OXNAD1: variants seen among roughly 807,000 people sequenced by gnomAD.
OXNAD1 encodes the protein oxidoreductase NAD binding domain containing 1, also known as oxidoreductase NAD-binding domain-containing protein 1.
In OXNAD1, 34 loss-of-function variants were observed where a neutral mutation model predicts 32.9. The ratio of observed to expected loss-of-function variants is 1.03; its 90% CI spans 0.79 to 1.38. The LOEUF (loss-of-function observed/expected upper bound fraction) is 1.38, where lower values mean the gene tolerates loss of function less well. Ranked by LOEUF, OXNAD1 falls within the 40% of genes most tolerant of loss-of-function variation. The pLI, the probability that OXNAD1 is intolerant of heterozygous loss-of-function variation, is 0.00. For missense variants in OXNAD1, 407 were observed against 379.4 expected (o/e 1.07, Z -0.60); for synonymous variants, 134 against 135.2 (o/e 0.99, Z 0.06).
rs77855707 is a variant in OXNAD1, at chr3:16,297,856, A to G, written c.432+2859A>G. Among the ~76,000 whole-genome samples, 40 of 152,322 alleles carry G rather than the reference A, an allele frequency of 2.6e-4. No individual in the cohort carries two copies. The East Asian group carries it at 7.3e-3, about 28-fold the overall frequency. The stretch of plus-strand genomic sequence containing the variant: ...AAGGTAGGATCGATAGCACAGGGGA[A>G]TATTTTCAGGGGGTGATGGAACTAA... On this transcript the variant is annotated intron_variant, in intron 6 of 8. Coordinates refer to ENST00000285083, the MANE Select transcript of OXNAD1 (RefSeq NM_138381.5). The surrounding 1 kb of genome is among the most constrained non-coding windows in gnomAD (Gnocchi z 4.3).
At position 16,321,587 on chromosome 3, in the gene OXNAD1, GC is replaced by G. The variant is rs1559804666; in HGVS notation, c.*31-15519del. Among the ~76,000 whole-genome samples the G allele has an allele frequency of 6.6e-6, 1 of 152,144 alleles. No individual in the cohort carries two copies. ...TTCTTCCAAGGAGTCTGGCTGTGAA[GC>G]CCCCCTCTCTGGAGGACTCCCATCT... On this transcript the variant is annotated intron_variant, in intron 9 of 9. Coordinates refer to the OXNAD1 transcript ENST00000435829. The surrounding 1 kb of genome is among the most constrained non-coding windows in gnomAD (Gnocchi z 4.8).
Position 16,271,052 on chromosome 3 carries a change from C to A in OXNAD1, c.100C>A (p.Arg34Ser), listed in dbSNP as rs780630420. 1.2e-6 allele frequency: 2 copies of A among 1,614,010 alleles called. No homozygotes were observed. The highest frequency in any genetic ancestry group is 1.7e-4 in the Middle Eastern group (1 of 6,058). The change falls in exon 3 of 9, where the codon CGC becomes AGC. Residue 34 changes from arginine to serine, a missense_variant. Physicochemically the swap from Arg to Ser is moderately radical, Grantham distance 110 (BLOSUM62 -1). Coordinates refer to ENST00000285083, the MANE Select transcript of OXNAD1 (RefSeq NM_138381.5). This position sits in a 1 kb window ranked among gnomAD's most constrained non-coding sequence, Gnocchi z 4.6. ...ACTGAGATTGACACTCAGCACTTTG[C>A]GCCACCTTACTCTAACCAGGTGAGT... ...ASLRLTLSTL[R>S]HLTLTSIMKS... is the part of the protein sequence containing the mutation.
rs1315201522 is a variant in OXNAD1, at chr3:16,301,683, C to T, written c.490C>T (p.Gln164Ter). Residue 164 changes from glutamine to a stop codon, truncating the protein, a stop_gained, in exon 7 of 9, where the codon CAG becomes TAG. Coordinates refer to ENST00000285083, the MANE Select transcript of OXNAD1 (RefSeq NM_138381.5). LOFTEE classifies it high-confidence loss of function. This position sits in a 1 kb window ranked among gnomAD's most constrained non-coding sequence, Gnocchi z 4.1. ...GGGTGGAGAGTTCTTCTTTGACCCTCAGCCTGCGGATGCCTCTAGAAACCT... is the reference window on the plus strand; with the variant it reads ...GGGTGGAGAGTTCTTCTTTGACCCTTAGCCTGCGGATGCCTCTAGAAACCT... The part of the protein sequence containing the change: ...RVGGEFFFDP[Q>*]PADASRNLVL... The T allele has an allele frequency of 6.2e-7, 1 of 1,613,958 alleles. No individual in the cohort carries two copies. Among genetic ancestry groups the T allele is most frequent in the Non-Finnish European group, 8.5e-7 (1 of 1,179,972 alleles).
chr3:16,338,593 C>T (rs1216804780), downstream of OXNAD1, among the ~76,000 whole-genome samples: 1 of 152,230 alleles, frequency 6.6e-6, no homozygotes. This position sits in a 1 kb window ranked among gnomAD's most constrained non-coding sequence, Gnocchi z 5.3. Flanking sequence ...GAAACATTTT[C>T]TCCATCCAGA....
chr3:16,275,549 GCAGAGCA>G (rs2065257587), intron 4 of OXNAD1: 1 of 152,844 alleles, frequency 6.5e-6, no homozygotes, highest in Non-Finnish European at 1.5e-5. Context: ...AGCCTGTGTG[GCAGAGCA>G]AGACCCTGTC....
intron 4 of OXNAD1, among the ~76,000 whole-genome samples, chr3:16,285,003 T>C (rs58171469): frequency 0.15 from 22,289 of 152,236 alleles, 1,772 homozygotes; most frequent in African/African-American, 0.2. Flanking sequence ...GCAGTGTTTC[T>C]GAGAGAGTAG....
rs750825237 is a variant in OXNAD1 at position 16,280,194 on chromosome 3, C to T, written c.184-6148C>T. 6.6e-6 allele frequency among the ~76,000 whole-genome samples: 1 copy of T among 151,968 alleles called. No homozygotes were observed. The highest frequency in any genetic ancestry group is 2.4e-5 in the African/African-American group (1 of 41,364). ...TTACATGTTACATGAGGTGGGAGAT[C>T]CTAGAGCTCGTGTGTTCTGATGGGG... On this transcript the variant is annotated intron_variant, in intron 4 of 8. Transcript: ENST00000285083. The surrounding 1 kb of genome is among the most constrained non-coding windows in gnomAD (Gnocchi z 4.5).
chr3:16,306,695 G>A (rs2067586812), downstream of OXNAD1, among the ~76,000 whole-genome samples: 1 of 152,122 alleles, frequency 6.6e-6, no homozygotes, highest in Non-Finnish European at 1.5e-5. Flanking sequence ...TATCCTCAGG[G>A]TGTTGCTTGA....
rs79887027 is a variant in OXNAD1 at position 16,321,453 on chromosome 3, T to C, written c.*31-15659T>C. 7.5e-3 allele frequency among the ~76,000 whole-genome samples: 1,146 copies of C among 152,130 alleles called. 47 individuals are homozygous for C. In the South Asian group the frequency reaches 0.11, roughly 15 times the overall value. ...CCGGGCTGCAAGAGCTCAGGCATGA[T>C]GAGGACTAGATGGAGTGACTCTCGG... is the stretch of plus-strand genomic sequence containing the variant. On this transcript the variant is annotated intron_variant, in intron 9 of 9. Coordinates refer to the OXNAD1 transcript ENST00000435829. This position sits in a 1 kb window ranked among gnomAD's most constrained non-coding sequence, Gnocchi z 4.8.
rs766097838 is a variant in OXNAD1, at chr3:16,286,461, T to A, written c.290+13T>A. On this transcript the variant is annotated intron_variant, in intron 5 of 8. Coordinates refer to ENST00000285083, the MANE Select transcript of OXNAD1 (RefSeq NM_138381.5). ...AAGCTGGCCAGTGGTAAGTGACTTTTCTGTGTTCCATGTATGTATGTTCAA... is the reference window on the plus strand; with the variant it reads ...AAGCTGGCCAGTGGTAAGTGACTTTACTGTGTTCCATGTATGTATGTTCAA... 1 of 1,605,390 alleles carries A rather than the reference T, an allele frequency of 6.2e-7. No individual in the cohort carries two copies. The highest frequency in any genetic ancestry group is 1.7e-5 in the Admixed American group (1 of 59,976).
chr3:16,323,557 C>T, intron 9 of OXNAD1: 4 of 809,766 alleles, frequency 4.9e-6, no homozygotes, highest in Non-Finnish European at 8.3e-6. Flanking sequence ...AGCAGACCAC[C>T]CACAGGATTA....
chr3:16,283,904 T>A (rs1265331460), intron 4 of OXNAD1, among the ~76,000 whole-genome samples: 1 of 152,114 alleles, frequency 6.6e-6, no homozygotes, highest in African/African-American at 2.4e-5. Flanking sequence ...GAACTGAGAC[T>A]GGACATTGAG....
In OXNAD1 at chr3:16,345,264, T is replaced by TTTGTGTGTG. The variant is rs1491581919; in HGVS notation, c.*31-3911_*31-3910insTGTGTGTGT. ...AAACTGTAAGATAATAAGTAGGTGG[T>TTTGTGTGTG]TGTGTGTGTGTGTGTGTGTGTGTGT... On this transcript the variant is annotated intron_variant, in intron 9 of 9. Coordinates refer to the OXNAD1 transcript ENST00000606098. This position sits in a 1 kb window ranked among gnomAD's most constrained non-coding sequence, Gnocchi z 5.2. 7.5e-5 allele frequency: 11 copies of TTTGTGTGTG among 145,836 alleles called. No homozygotes were observed. The highest frequency in any genetic ancestry group is 2.9e-4 in the African/African-American group (11 of 37,754). The allele number at this position is 145,836 out of a possible 1,614,324, so 9.0% of individuals were successfully genotyped here.
chr3:16,305,172 T>TACTA lies in OXNAD1; in HGVS notation c.*1614_*1617dup, dbSNP rs2067463027. On this transcript the variant is annotated 3_prime_UTR_variant, in exon 9 of 9. Coordinates refer to ENST00000285083, the MANE Select transcript of OXNAD1 (RefSeq NM_138381.5). The surrounding 1 kb of genome is among the most constrained non-coding windows in gnomAD (Gnocchi z 4.5). ...ATGTGGGATTATCAAGGGGCACGTC[T>TACTA]ACTAACTGGTGAAGGCAGTCTGCGG... 6.6e-6 allele frequency: 1 copy of TACTA among 152,342 alleles called. No individual in the cohort carries two copies. Among genetic ancestry groups the TACTA allele is most frequent in the Non-Finnish European group, 1.5e-5 (1 of 68,158 alleles). The allele number at this position is 152,342 out of a possible 1,614,324, so 9.4% of individuals were successfully genotyped here. A position where few individuals can be genotyped will look rare whatever the true frequency, so the allele number is the denominator to read the frequency against.
downstream of OXNAD1, among the ~76,000 whole-genome samples, chr3:16,308,170 A>C (rs1559780511): frequency 6.6e-6 from 1 of 152,244 alleles, no homozygotes; most frequent in Non-Finnish European, 1.5e-5. The surrounding 1 kb of genome is among the most constrained non-coding windows in gnomAD (Gnocchi z 4.4). Context: ...TTCTGGAAAT[A>C]ACTGAGTAAC....
At chr3:16,340,486 A>G (rs114196808), downstream of OXNAD1, among the ~76,000 whole-genome samples, 407 of 152,384 alleles carry the variant, frequency 2.7e-3, 1 homozygote, top group Middle Eastern at 3.4e-3. Context: ...AGGTTGCCCT[A>G]TGGCTGAAAA....
chr3:16,271,617 T>A lies in OXNAD1; in HGVS notation c.120-42T>A, dbSNP rs761944452. 2 of 1,419,494 alleles carry A rather than the reference T, an allele frequency of 1.4e-6. No homozygotes were observed. Among genetic ancestry groups the A allele is most frequent in the Admixed American group, 4.4e-5 (2 of 45,956 alleles). 87.9% of individuals were successfully genotyped at this position (1,419,494 alleles called of 1,614,324 possible). A position where few individuals can be genotyped will look rare whatever the true frequency, so the allele number is the denominator to read the frequency against. ...GGAAAAACTAATTTTATTATTTTTA[T>A]GAGGATAATATGTAATAACCTAATT... is the stretch of plus-strand genomic sequence containing the variant. On this transcript the variant is annotated intron_variant, in intron 3 of 8. Coordinates refer to ENST00000285083, the MANE Select transcript of OXNAD1 (RefSeq NM_138381.5). This position sits in a 1 kb window ranked among gnomAD's most constrained non-coding sequence, Gnocchi z 4.6.
At position 16,287,111 on chromosome 3, in the gene OXNAD1, T is replaced by C. The variant is rs1021276742; in HGVS notation, c.290+663T>C. Among the ~76,000 whole-genome samples, 4 of 152,186 alleles carry C rather than the reference T, an allele frequency of 2.6e-5. No individual in the cohort carries two copies. The highest frequency in any genetic ancestry group is 6.5e-5 in the Admixed American group (1 of 15,278). ...GGTAACATTTCCTCCGAATGGGGCC[T>C]CCCTGAGCTTCAATTCAAGTTCAAT... On this transcript the variant is annotated intron_variant, in intron 5 of 8. Transcript: ENST00000285083. The surrounding 1 kb of genome is among the most constrained non-coding windows in gnomAD (Gnocchi z 4.8).
rs1359854749 is a variant in OXNAD1 at position 16,348,458 on chromosome 3, C to T, written c.*31-718C>T. Among the ~76,000 whole-genome samples the T allele has an allele frequency of 6.6e-6, 1 of 152,176 alleles. No homozygotes were observed. The highest frequency in any genetic ancestry group is 1.5e-5 in the Non-Finnish European group (1 of 68,028). ...GCCCCCACACTCAATTCCCTTAGCC[C>T]ATCCAAGTCCTGGCTTGACTTGCCA... On this transcript the variant is annotated intron_variant, in intron 9 of 9. Coordinates refer to the OXNAD1 transcript ENST00000606098. This position sits in a 1 kb window ranked among gnomAD's most constrained non-coding sequence, Gnocchi z 6.3.
Sources: gnomAD v4.1 joint callset for allele counts (sites outside exome capture counted in the v4.1 genomes callset) on GRCh38, gnomAD v4.1.1 for gene constraint, Gnocchi (gnomAD v3.1) non-coding constraint, MANE v1.5 for transcripts, NCBI Gene and HGNC (gene_info 2026-07-23, HGNC 2026-07-21) for gene names.